TSPAN15: variants seen among roughly 807,000 people sequenced by gnomAD.
The protein encoded by TSPAN15 is tetraspanin-15.
TSPAN15 carries 20 observed loss-of-function variants against 34.5 expected under a neutral mutation model. That is an observed-to-expected ratio of 0.58 (90% confidence interval 0.41 to 0.84). The LOEUF is 0.84. TSPAN15 is among the 40% of genes least tolerant of loss of function. The pLI, the probability that TSPAN15 is intolerant of heterozygous loss-of-function variation, is 0.00. For missense variants in TSPAN15, 313 were observed against 386.1 expected, an observed-to-expected ratio of 0.81 and a Z score of 1.59; for synonymous variants, 155 against 153.9, an observed-to-expected ratio of 1.01 and a Z score of -0.05.
At chr10:69,495,948 T>C (rs542922662) in intron 4 of TSPAN15, among the ~76,000 whole-genome samples, 1 of 152,288 alleles carries the variant, frequency 6.6e-6, no homozygotes, top group South Asian at 2.1e-4. Context: ...CCAGTTACAC[T>C]GGCTTCCTGC....
At chr10:69,498,250 C>A in intron 4 of TSPAN15, 30 bp from the exon 5 acceptor site, 1 of 1,599,540 alleles carries the variant, frequency 6.3e-7, no homozygotes, top group Non-Finnish European at 8.6e-7. Context: ...GCGATGACGG[C>A]AGCTCCTCTT....
chr10:69,500,272 C>T (rs954086456), intron 5 of TSPAN15, among the ~76,000 whole-genome samples: 3 of 152,138 alleles, frequency 2.0e-5, no homozygotes, highest in African/African-American at 7.2e-5. Flanking sequence ...TGAGGACAGC[C>T]CTTCAGAGTT....
At chr10:69,534,298 C>A in the TSPAN15 span, among the ~76,000 whole-genome samples, 1 of 152,156 alleles carries the variant, frequency 6.6e-6, no homozygotes, top group Non-Finnish European at 1.5e-5. Flanking sequence ...TCCATTGCCC[C>A]TTCCTGTGGA....
the TSPAN15 span, among the ~76,000 whole-genome samples, chr10:69,533,356 G>A: frequency 6.6e-6 from 1 of 152,096 alleles, no homozygotes; most frequent in East Asian, 1.9e-4. Flanking sequence ...TGAATTAATG[G>A]CATTCACAGC....
intron 3 of TSPAN15, among the ~76,000 whole-genome samples, chr10:69,486,014 C>T (rs1026057599): frequency 6.6e-6 from 1 of 152,226 alleles, no homozygotes; most frequent in African/African-American, 2.4e-5. Context: ...CTCCCGGCTC[C>T]AGCTCCTTCA....
At chr10:69,452,167 T>C (rs1840986530) in intron 1 of TSPAN15, among the ~76,000 whole-genome samples, 1 of 152,228 alleles carries the variant, frequency 6.6e-6, no homozygotes. Context: ...CGCTCCGTCT[T>C]GGTTTCCTCT....
In TSPAN15 at chr10:69,457,784, T is replaced by A. The variant is rs1468701752; in HGVS notation, c.96+6094T>A. Reference sequence around the variant, plus strand: ...AGACATAACTTCCATGCACCTAACCTACCTGAAGAGTTGCTAAGCAGATTA... The same window carrying A: ...AGACATAACTTCCATGCACCTAACCAACCTGAAGAGTTGCTAAGCAGATTA... On this transcript the variant is annotated intron_variant, in intron 1 of 7. Coordinates refer to ENST00000373290, the MANE Select transcript of TSPAN15 (RefSeq NM_012339.5). Among the ~76,000 whole-genome samples, 3 of 152,328 alleles carry A rather than the reference T, an allele frequency of 2.0e-5. No homozygotes were observed. The East Asian group carries it at 5.8e-4, about 29-fold the overall frequency.
At position 69,504,564 on chromosome 10, in the gene TSPAN15, G is replaced by T; in HGVS notation, c.618+79G>T. The T allele has an allele frequency of 2.0e-6, 3 of 1,470,366 alleles. No homozygotes were observed. In the East Asian group the frequency reaches 6.9e-5, roughly 34 times the overall value. 91.1% of individuals were successfully genotyped at this position (1,470,366 alleles called of 1,614,324 possible). On this transcript the variant is annotated intron_variant, in intron 6 of 7. Transcript: ENST00000373290. ...TGGGGTGATCGGAGGGGTTTATTGA[G>T]GTCGGGGTCCTGGCCACTGAGATTT...
Position 69,507,134 on chromosome 10 carries a change from TGCCTCCCCAGGGAGCAGAGCCTGG to T in TSPAN15, c.*165_*188del, listed in dbSNP as rs1003782670. The T allele has an allele frequency of 2.1e-6, 3 of 1,447,478 alleles. No individual in the cohort carries two copies. Among genetic ancestry groups the T allele is most frequent in the Middle Eastern group, 2.5e-4 (1 of 4,010 alleles). 89.7% of individuals were successfully genotyped at this position (1,447,478 alleles called of 1,614,324 possible). ...GCCTGTGTGTAGGTCCCACGGCCTCTGCCTCCCCAGGGAGCAGAGCCTGGGCCTCCCCTAAGAGGCTTTCCCCGA... is the reference window on the plus strand; with the variant it reads ...GCCTGTGTGTAGGTCCCACGGCCTCTGCCTCCCCTAAGAGGCTTTCCCCGA... On this transcript the variant is annotated 3_prime_UTR_variant, in exon 8 of 8. Coordinates refer to ENST00000373290, the MANE Select transcript of TSPAN15 (RefSeq NM_012339.5).
At chr10:69,539,521 A>G in the TSPAN15 span, among the ~76,000 whole-genome samples, 831 of 88,994 alleles carry the variant, frequency 9.3e-3, 74 homozygotes, top group African/African-American at 0.02. Context: ...GAAGAAGAAG[A>G]AGAAGAAGAA....
intron 1 of TSPAN15, among the ~76,000 whole-genome samples, chr10:69,459,310 A>G (rs77018730): frequency 6.6e-6 from 1 of 152,272 alleles, no homozygotes; most frequent in East Asian, 1.9e-4. Context: ...ATACCGTGAT[A>G]GGTGTGGGAA....
Position 69,485,233 on chromosome 10 carries a change from T to C in TSPAN15, c.357+18T>C, listed in dbSNP as rs1316758612. ...GGAACCAGGTGGGCCTGTGGATTTG[T>C]GTATCGGCCATGTGTGTATGGAGCA... On this transcript the variant is annotated intron_variant, in intron 3 of 7. Transcript: ENST00000373290. The C allele has an allele frequency of 3.7e-6, 6 of 1,613,310 alleles. No homozygotes were observed. Among genetic ancestry groups the C allele is most frequent in the Non-Finnish European group, 5.1e-6 (6 of 1,179,406 alleles).
rs146493782 is a variant in TSPAN15 at position 69,505,823 on chromosome 10, C to T, written c.619-301C>T. The T allele has an allele frequency of 1.7e-3, 484 of 279,392 alleles. 3 individuals are homozygous for T. Among genetic ancestry groups the T allele is most frequent in the African/African-American group, 9.8e-3 (454 of 46,386 alleles). 17.3% of individuals were successfully genotyped at this position (279,392 alleles called of 1,614,324 possible). A position where few individuals can be genotyped will look rare whatever the true frequency, so the allele number is the denominator to read the frequency against. ...TTTTCATGCAGGGACATCTGAGAAG[C>T]ACACAGGCAGGGCAGTTGTTTGTGG... On this transcript the variant is annotated intron_variant, in intron 6 of 7. Coordinates refer to ENST00000373290, the MANE Select transcript of TSPAN15 (RefSeq NM_012339.5).
the TSPAN15 span, among the ~76,000 whole-genome samples, chr10:69,514,981 G>A: frequency 6.6e-6 from 1 of 151,956 alleles, no homozygotes. Flanking sequence ...TCCCTAATTA[G>A]ACTCTTGTCC....
downstream of TSPAN15, among the ~76,000 whole-genome samples, chr10:69,511,632 TCTTG>T: frequency 6.6e-6 from 1 of 152,172 alleles, no homozygotes; most frequent in Non-Finnish European, 1.5e-5. Context: ...ATTTGTTTGT[TCTTG>T]CTTCTCTAGT....
downstream of TSPAN15, among the ~76,000 whole-genome samples, chr10:69,509,033 G>T (rs950758738): frequency 6.6e-6 from 1 of 152,212 alleles, no homozygotes; most frequent in African/African-American, 2.4e-5. Flanking sequence ...TGGAGGCCTT[G>T]TAGTCCTGGG....
At chr10:69,512,075 A>T (rs1037641050), downstream of TSPAN15, among the ~76,000 whole-genome samples, 6 of 152,188 alleles carry the variant, frequency 3.9e-5, no homozygotes, top group Non-Finnish European at 8.8e-5. Flanking sequence ...GTATGCCAGA[A>T]CTTAAAGTAT....
chr10:69,477,849 T>G (rs1446149841), intron 1 of TSPAN15, among the ~76,000 whole-genome samples: 1 of 152,204 alleles, frequency 6.6e-6, no homozygotes, highest in Non-Finnish European at 1.5e-5. Flanking sequence ...TTGAGCCTAG[T>G]CTGTAAAACG....
the TSPAN15 span, among the ~76,000 whole-genome samples, chr10:69,531,940 C>CAAAACAA: frequency 4.1e-5 from 4 of 97,266 alleles, no homozygotes; most frequent in Non-Finnish European, 9.3e-5. Flanking sequence ...CAAAACAAAA[C>CAAAACAA]AAAAAAAAAA....
Sources: allele counts gnomAD v4.1 joint callset (sites outside exome capture counted in the v4.1 genomes callset), GRCh38; gene constraint gnomAD v4.1.1; transcripts MANE v1.5; gene names NCBI Gene and HGNC (gene_info 2026-07-23, HGNC 2026-07-21).